Variants in HLCS observed in about 807,000 individuals in gnomAD.
HLCS encodes the protein biotin--protein ligase.
A neutral mutation model predicts 75.0 loss-of-function variants in HLCS; 53 were observed. The observed-to-expected ratio is 0.71, with a 90% confidence interval of 0.57 to 0.89. The LOEUF is 0.89. HLCS is among the 40% of genes least tolerant of loss of function. HLCS has a pLI of 0.00. For synonymous variants in HLCS, 431 were observed against 428.6 expected (o/e 1.01, Z -0.07); for missense variants, 966 against 1,074.0 (o/e 0.90, Z 1.41).
intron 6 of HLCS, among the ~76,000 whole-genome samples, chr21:36,772,707 G>A (rs896609790): frequency 1.3e-5 from 2 of 151,648 alleles, no homozygotes; most frequent in African/African-American, 2.4e-5. Flanking sequence ...GGAAGAGGCC[G>A]GGCGTGTTGG....
At chr21:36,882,588 G>A (rs1369444086) in intron 6 of HLCS, among the ~76,000 whole-genome samples, 7 of 150,162 alleles carry the variant, frequency 4.7e-5, no homozygotes, top group African/African-American at 1.7e-4. Flanking sequence ...CTATAGGTGC[G>A]TGTCACCACG....
At chr21:36,776,671 C>T (rs776707017) in intron 6 of HLCS, among the ~76,000 whole-genome samples, 5 of 152,212 alleles carry the variant, frequency 3.3e-5, no homozygotes, top group South Asian at 4.1e-4. Context: ...TCTCAGCCCC[C>T]CAAAGTGCTG....
intron 5 of HLCS, among the ~76,000 whole-genome samples, chr21:36,908,854 G>A (rs960716915): frequency 1.3e-5 from 2 of 152,164 alleles, no homozygotes; most frequent in Admixed American, 1.3e-4. Flanking sequence ...GTATATCAGT[G>A]ATCTCCTGAG....
chr21:36,787,382 G>C (rs997850753), intron 6 of HLCS, among the ~76,000 whole-genome samples: 3 of 152,226 alleles, frequency 2.0e-5, no homozygotes, highest in African/African-American at 7.2e-5. Flanking sequence ...AGGCACAGAA[G>C]ACCCCATGGA....
chr21:36,928,351 T>C (rs1185842669), intron 5 of HLCS, among the ~76,000 whole-genome samples: 1 of 152,138 alleles, frequency 6.6e-6, no homozygotes, highest in African/African-American at 2.4e-5. Flanking sequence ...GGCAGATTGC[T>C]TGAACTCGGG....
In HLCS at chr21:36,896,901, C is replaced by T. The variant is rs760230537; in HGVS notation, c.1851G>A (p.Leu617=). 13 of 1,614,172 alleles carry T rather than the reference C, an allele frequency of 8.1e-6. No homozygotes were observed. Among genetic ancestry groups the T allele is most frequent in the Non-Finnish European group, 1.1e-5 (13 of 1,180,038 alleles). The change falls in exon 6 of 11, where the codon TTG becomes TTA. Residue 617 remains leucine (L), a synonymous_variant. Coordinates refer to ENST00000674895, the MANE Select transcript of HLCS (RefSeq NM_001352514.2). ...LQTKQLGKVI[L]FAEVTPTTMR... Reference sequence around the variant, plus strand: ...TCGTTGTGGGGGTCACTTCGGCAAACAAAATTACTTTCCCCAACTGCTTGG... The same window carrying T: ...TCGTTGTGGGGGTCACTTCGGCAAATAAAATTACTTTCCCCAACTGCTTGG...
chr21:36,756,780 A>G lies in HLCS; in HGVS notation c.2237-25T>C, dbSNP rs138961970. The G allele has an allele frequency of 5.9e-5, 96 of 1,613,802 alleles. No homozygotes were observed. In the African/African-American group the frequency reaches 1.2e-3, roughly 19 times the overall value. On this transcript the variant is annotated intron_variant, in intron 9 of 10. Coordinates refer to ENST00000674895, the MANE Select transcript of HLCS (RefSeq NM_001352514.2). Reference sequence around the variant, plus strand: ...CCTGGACAAAAACAAACAATTGAGCAGCTCAGCCTGTTGATGGCATCACAC... The same window carrying G: ...CCTGGACAAAAACAAACAATTGAGCGGCTCAGCCTGTTGATGGCATCACAC...
intron 6 of HLCS, among the ~76,000 whole-genome samples, chr21:36,805,331 C>T (rs532914295): frequency 3.9e-5 from 6 of 152,266 alleles, no homozygotes; most frequent in South Asian, 4.1e-4. Flanking sequence ...GGGTCAGGTT[C>T]GGGTCTGCAC....
chr21:36,890,569 G>C (rs2064738993), intron 6 of HLCS, among the ~76,000 whole-genome samples: 1 of 152,044 alleles, frequency 6.6e-6, no homozygotes, highest in Non-Finnish European at 1.5e-5. Context: ...CAAATTTGTG[G>C]GGTGGAGACA....
intron 1 of HLCS, among the ~76,000 whole-genome samples, chr21:36,973,208 C>A (rs2068840174): frequency 2.1e-5 from 3 of 143,806 alleles, no homozygotes; most frequent in Non-Finnish European, 1.5e-5. Context: ...CCAGCCTCAG[C>A]GACAGAGAAA....
At chr21:36,938,356 G>GC (rs986733050) in intron 3 of HLCS, among the ~76,000 whole-genome samples, 6 of 152,104 alleles carry the variant, frequency 3.9e-5, no homozygotes, top group Non-Finnish European at 8.8e-5. Flanking sequence ...GTACCCTGCA[G>GC]CCCCCCAAAA....
At chr21:36,841,679 C>T (rs926647108) in intron 6 of HLCS, among the ~76,000 whole-genome samples, 2 of 152,208 alleles carry the variant, frequency 1.3e-5, no homozygotes, top group Non-Finnish European at 2.9e-5. Flanking sequence ...GATAATGCAA[C>T]GTACGATTCT....
At chr21:36,757,684 T>C (rs79143535) in intron 9 of HLCS, among the ~76,000 whole-genome samples, 190 of 152,328 alleles carry the variant, frequency 1.2e-3, no homozygotes, top group African/African-American at 4.1e-3. Context: ...AAGGGAAGGA[T>C]TGACTGGTCT....
chr21:36,922,971 G>A (rs185868068), intron 5 of HLCS, among the ~76,000 whole-genome samples: 6 of 152,196 alleles, frequency 3.9e-5, no homozygotes, highest in East Asian at 1.9e-4. Context: ...CTCAGACCCC[G>A]ACATTCCTGA....
chr21:36,766,952 T>C lies in HLCS; in HGVS notation c.1960+266A>G, dbSNP rs138347599. On this transcript the variant is annotated intron_variant, in intron 7 of 10. Transcript: ENST00000674895. ...CCCAAATTGGAAAGCCCGGAATTCA[T>C]GTAGGTCACATTTGCCATCACAGGC... Among the ~76,000 whole-genome samples, 193 of 152,300 alleles carry C rather than the reference T, an allele frequency of 1.3e-3. 1 individual carries two copies. The highest frequency in any genetic ancestry group is 2.4e-3 in the Non-Finnish European group (161 of 68,016).
At chr21:36,913,311 A>G (rs1453702060) in intron 5 of HLCS, among the ~76,000 whole-genome samples, 1 of 152,096 alleles carries the variant, frequency 6.6e-6, no homozygotes, top group Non-Finnish European at 1.5e-5. Flanking sequence ...GGAAATGCCT[A>G]TTTTCTATAA....
intron 5 of HLCS, among the ~76,000 whole-genome samples, chr21:36,900,922 G>A (rs1030598094): frequency 3.9e-5 from 6 of 152,182 alleles, no homozygotes; most frequent in African/African-American, 1.4e-4. Flanking sequence ...AGAGGAAGAG[G>A]CAGGAGGTGA....
chr21:36,853,806 G>A, intron 6 of HLCS, among the ~76,000 whole-genome samples: 1 of 152,172 alleles, frequency 6.6e-6, no homozygotes, highest in Admixed American at 6.5e-5. Context: ...TGATGAGAGT[G>A]CAATATAATT....
chr21:36,797,274 TATTCAGCAAC>T (rs1458537623), intron 6 of HLCS, among the ~76,000 whole-genome samples: 1 of 152,126 alleles, frequency 6.6e-6, no homozygotes, highest in Non-Finnish European at 1.5e-5. Flanking sequence ...TTAAAACAAA[TATTCAGCAAC>T]ATAATAGAGT....
Sources: gnomAD v4.1 joint callset for allele counts (sites outside exome capture counted in the v4.1 genomes callset) on GRCh38, gnomAD v4.1.1 for gene constraint, MANE v1.5 for transcripts, NCBI Gene and HGNC (gene_info 2026-07-23, HGNC 2026-07-21) for gene names.